The following COPZ2 variants were observed in gnomAD, a reference collection of about 807,000 sequenced individuals.
COPZ2 encodes coat protein complex I subunit zeta 2, also known as coatomer subunit zeta-2.
Under a neutral mutation model 33.2 loss-of-function variants are expected in COPZ2, and 30 were observed. The observed-to-expected ratio is 0.90, with a 90% CI of 0.68 to 1.23. The LOEUF (loss-of-function observed/expected upper bound fraction) is 1.23, where lower values mean the gene tolerates loss of function less well. Among genes scored for constraint, COPZ2 ranks in the 50% most tolerant of loss-of-function variants. The probability of loss-of-function intolerance (pLI) is 0.00; values close to 1 mark genes in which losing one functional copy is unlikely to be tolerated. For missense variants in COPZ2, 263 were observed against 262.4 expected, an observed-to-expected ratio of 1.00 and a Z score of -0.02; for synonymous variants, 89 against 102.6, an observed-to-expected ratio of 0.87 and a Z score of 0.80.
chr17:48,033,311 G>C lies in COPZ2; in HGVS notation c.269-9C>G. ...AAAAAATGCAATCTCACCTAGAAGT[G>C]GAGGGAGCTTTCAGTCCTGGCCACC... On this transcript the variant is annotated splice_polypyrimidine_tract_variant and intron_variant, in intron 3 of 8. Transcript: ENST00000621465. The C allele has an allele frequency of 1.9e-6, 3 of 1,591,386 alleles. No individual in the cohort carries two copies. The East Asian group carries it at 6.7e-5, about 36-fold the overall frequency.
At chr17:48,044,862 A>G in the COPZ2 span, among the ~76,000 whole-genome samples, 1 of 152,250 alleles carries the variant, frequency 6.6e-6, no homozygotes, top group South Asian at 2.1e-4. Flanking sequence ...AGGAAATCTC[A>G]GGCAATCATC....
At chr17:48,041,111 C>A (rs1223030277), upstream of COPZ2, among the ~76,000 whole-genome samples, 1 of 146,586 alleles carries the variant, frequency 6.8e-6, no homozygotes, top group African/African-American at 2.6e-5. Flanking sequence ...AAGATCACAC[C>A]ACTGCAGCCT....
At chr17:48,047,898 T>C in the COPZ2 span, 13 of 152,262 alleles carry the variant, frequency 8.5e-5, no homozygotes, top group African/African-American at 2.9e-4. Flanking sequence ...CACTAGACTT[T>C]TGCAAGTCAC....
Position 48,033,128 on chromosome 17 carries a change from G to A in COPZ2, c.360+83C>T, listed in dbSNP as rs142266965. The A allele has an allele frequency of 3.1e-4, 299 of 969,636 alleles. 1 individual carries two copies. In the Middle Eastern group the frequency reaches 6.6e-3, roughly 21 times the overall value. 60.1% of individuals were successfully genotyped at this position (969,636 alleles called of 1,614,324 possible). On this transcript the variant is annotated intron_variant, in intron 4 of 8. Transcript: ENST00000621465. ...AAGGGGTCCAATGGTGAGCCTCCAG[G>A]TCCCAGCCTCAAGCCCAGATTCCAA...
rs375665368 is a variant in COPZ2, at chr17:48,033,234, C to A, written c.337G>T (p.Val113Leu). ...ACCTCATTCTCGTAGGATGAGCCCACCACGTATAGGAAGAGGTCAATGCTG... is the reference window on the plus strand; with the variant it reads ...ACCTCATTCTCGTAGGATGAGCCCAACACGTATAGGAAGAGGTCAATGCTG... ...KNSIDLFLYVVGSSYENELML... is the reference protein window; with the variant it reads ...KNSIDLFLYVLGSSYENELML... The change falls in exon 4 of 9, where the codon GTG becomes TTG. Residue 113 changes from valine (V) to leucine (L), a missense_variant. Physicochemically the swap from Val to Leu is conservative, Grantham distance 32 (BLOSUM62 1). Transcript: ENST00000621465. The A allele has an allele frequency of 4.0e-5, 64 of 1,612,746 alleles. 1 individual carries two copies. Among genetic ancestry groups the A allele is most frequent in the East Asian group, 3.1e-4 (14 of 44,876 alleles).
chr17:48,037,363 GAT>G lies in COPZ2; in HGVS notation c.111+302_111+303del, dbSNP rs2037004521. ...AGAAGCATGCCCATCACCCACCGGT[GAT>G]GGGAGCCGAGTCTGGGACGGACAGG... On this transcript the variant is annotated intron_variant, in intron 1 of 8. Transcript: ENST00000621465. This position sits in a 1 kb window ranked among gnomAD's most constrained non-coding sequence, Gnocchi z 5.6. 2 of 340,528 alleles carry G rather than the reference GAT, an allele frequency of 5.9e-6. No individual in the cohort carries two copies. The highest frequency in any genetic ancestry group is 1.1e-5 in the Non-Finnish European group (2 of 176,532). The allele number at this position is 340,528 out of a possible 1,614,324, so 21.1% of individuals were successfully genotyped here. A position where few individuals can be genotyped will look rare whatever the true frequency, so the allele number is the denominator to read the frequency against.
the COPZ2 span, chr17:48,043,411 G>C: frequency 7.2e-6 from 4 of 553,354 alleles, no homozygotes; most frequent in Non-Finnish European, 9.2e-6. Flanking sequence ...CTTATGTGAC[G>C]AGAAGAAACA....
intron 6 of COPZ2, chr17:48,031,924 C>T: frequency 1.7e-6 from 1 of 580,564 alleles, no homozygotes; most frequent in South Asian, 2.0e-5. Flanking sequence ...CATAGTTTGA[C>T]ATCAGGTTAG....
At chr17:48,047,130 G>A in the COPZ2 span, 1 of 152,098 alleles carries the variant, frequency 6.6e-6, no homozygotes, top group South Asian at 2.1e-4. Context: ...CCCCTAACTC[G>A]CAAGCACAAA....
chr17:48,040,533 A>G (rs2037051775), upstream of COPZ2, among the ~76,000 whole-genome samples: 1 of 148,814 alleles, frequency 6.7e-6, no homozygotes, highest in Non-Finnish European at 1.5e-5. Context: ...CACGGGTTCC[A>G]GTGATTCTCC....
chr17:48,029,311 T>G, intron 6 of COPZ2, 135 bp from the exon 7 acceptor site: 1 of 791,048 alleles, frequency 1.3e-6, no homozygotes, highest in Middle Eastern at 3.5e-4. Flanking sequence ...TTCCCACTGA[T>G]AGCCCTCAAG....
intron 4 of COPZ2, 124 bp downstream of exon 4, chr17:48,033,087 C>T: frequency 1.4e-6 from 1 of 695,050 alleles, no homozygotes; most frequent in Non-Finnish European, 2.6e-6. Flanking sequence ...CTCCTCTACC[C>T]CATGGAGCCT....
chr17:48,040,567 G>A (rs572601553), upstream of COPZ2, among the ~76,000 whole-genome samples: 22 of 151,510 alleles, frequency 1.5e-4, no homozygotes, highest in African/African-American at 5.3e-4. Context: ...CGAGTAGTTG[G>A]GACTACAGGT....
At position 48,037,796 on chromosome 17, in the gene COPZ2, C is replaced by G. The variant is rs1380832183; in HGVS notation, c.-19G>C. ...GCTGCATTCCGCTCGCCGCCTCGCA[C>G]TGACAGCGCCGCCCGCCGCCTGCCC... On this transcript the variant is annotated 5_prime_UTR_variant, in exon 1 of 9. Transcript: ENST00000621465. The surrounding 1 kb of genome is among the most constrained non-coding windows in gnomAD (Gnocchi z 5.6). 1.0e-6 allele frequency: 1 copy of G among 991,938 alleles called. No individual in the cohort carries two copies. Among genetic ancestry groups the G allele is most frequent in the African/African-American group, 1.8e-5 (1 of 56,792 alleles). 61.4% of individuals were successfully genotyped at this position (991,938 alleles called of 1,614,324 possible). A position where few individuals can be genotyped will look rare whatever the true frequency, so the allele number is the denominator to read the frequency against.
intron 6 of COPZ2, among the ~76,000 whole-genome samples, chr17:48,030,596 T>C (rs185327091): frequency 5.4e-4 from 83 of 152,312 alleles, no homozygotes; most frequent in African/African-American, 1.9e-3. Context: ...GTCCCCATCC[T>C]TGGGCTGAGC....
intron 8 of COPZ2, among the ~76,000 whole-genome samples, 162 bp from the exon 9 acceptor site, chr17:48,026,637 T>C (rs917338280): frequency 3.9e-5 from 6 of 152,128 alleles, no homozygotes; most frequent in African/African-American, 1.2e-4. Flanking sequence ...CGGCCAACCC[T>C]CCAAGTCAGA....
upstream of COPZ2, among the ~76,000 whole-genome samples, chr17:48,040,869 G>GCT (rs904007584): frequency 1.3e-5 from 2 of 151,744 alleles, no homozygotes; most frequent in Non-Finnish European, 2.9e-5. Context: ...TACCATATTG[G>GCT]CTGGGTGTGG....
At chr17:48,047,054 G>A in the COPZ2 span, 3 of 152,236 alleles carry the variant, frequency 2.0e-5, no homozygotes, top group Non-Finnish European at 4.4e-5. Context: ...TTCCATGAGT[G>A]GTTTGCTGGT....
In COPZ2 at chr17:48,032,246, A is replaced by T; in HGVS notation, c.417-13T>A. On this transcript the variant is annotated splice_polypyrimidine_tract_variant and intron_variant, in intron 5 of 8. Transcript: ENST00000621465. ...CTCCACGTTCTTCCTGAAGGTGGAC[A>T]CAAGCTCCTGAGCCTCCCTGTGGCT... is the stretch of plus-strand genomic sequence containing the variant. 1 of 1,609,338 alleles carries T rather than the reference A, an allele frequency of 6.2e-7. No individual in the cohort carries two copies. The highest frequency in any genetic ancestry group is 8.5e-7 in the Non-Finnish European group (1 of 1,177,832).
Sources: allele counts gnomAD v4.1 joint callset (sites outside exome capture counted in the v4.1 genomes callset), GRCh38; gene constraint gnomAD v4.1.1; non-coding constraint Gnocchi (gnomAD v3.1); transcripts MANE v1.5; gene names NCBI Gene and HGNC (gene_info 2026-07-23, HGNC 2026-07-21).